Variants in PYROXD2 observed in about 807,000 individuals in gnomAD.
PYROXD2 encodes pyridine nucleotide-disulphide oxidoreductase domain 2.
In PYROXD2, 69 loss-of-function variants were observed where a neutral mutation model predicts 71.1. The ratio of observed to expected loss-of-function variants is 0.97; its 90% CI spans 0.80 to 1.19. PYROXD2 has a LOEUF of 1.19. Among genes scored for constraint, PYROXD2 ranks in the 50% most tolerant of loss-of-function variants. PYROXD2 has a pLI of 0.00. For synonymous variants in PYROXD2, 287 were observed against 302.7 expected (o/e 0.95, Z 0.54); for missense variants, 745 against 748.9 (o/e 0.99, Z 0.06).
At chr10:98,400,472 A>G (rs7894389) in intron 4 of PYROXD2, among the ~76,000 whole-genome samples, 2,138 of 152,206 alleles carry the variant, frequency 0.014, 54 homozygotes, top group African/African-American at 0.049. Flanking sequence ...GCAGTACACT[A>G]TACCATTCTA....
In PYROXD2 at chr10:98,403,137, G is replaced by C. The variant is rs553467378; in HGVS notation, c.316-2880C>G. On this transcript the variant is annotated intron_variant, in intron 4 of 15. Coordinates refer to ENST00000370575, the MANE Select transcript of PYROXD2 (RefSeq NM_032709.3). ...AGATTTCCGATGCTGGCGGGGGCCG[G>C]GGCCAGGAGACGGCTGGGGTCCCTC... Among the ~76,000 whole-genome samples, 31 of 152,362 alleles carry C rather than the reference G, an allele frequency of 2.0e-4. No homozygotes were observed. In the South Asian group the frequency reaches 6.0e-3, roughly 30 times the overall value.
At chr10:98,385,754 T>C (rs2135911231) in intron 14 of PYROXD2, among the ~76,000 whole-genome samples, 1 of 152,080 alleles carries the variant, frequency 6.6e-6, no homozygotes, top group South Asian at 2.1e-4. Flanking sequence ...ACCACCTTCC[T>C]CCCCCTGGCC....
At chr10:98,410,818 G>A in intron 2 of PYROXD2, 121 bp downstream of exon 2, 5 of 1,443,448 alleles carry the variant, frequency 3.5e-6, no homozygotes, top group Non-Finnish European at 4.7e-6. Flanking sequence ...GCATCGACTA[G>A]GCTGCCTTTT....
At chr10:98,393,582 C>T (rs1359057716) in intron 8 of PYROXD2, among the ~76,000 whole-genome samples, 8 of 152,164 alleles carry the variant, frequency 5.3e-5, no homozygotes, top group Admixed American at 5.2e-4. Flanking sequence ...CCAACTCAGC[C>T]TCCAAAGGGC....
At chr10:98,394,244 C>T (rs796438432) in intron 8 of PYROXD2, among the ~76,000 whole-genome samples, 2 of 152,132 alleles carry the variant, frequency 1.3e-5, no homozygotes, top group African/African-American at 2.4e-5. Flanking sequence ...AGATCACAAA[C>T]GGAGCACTGG....
chr10:98,402,981 G>A (rs1843468348), intron 4 of PYROXD2, among the ~76,000 whole-genome samples: 4 of 152,248 alleles, frequency 2.6e-5, no homozygotes, highest in Non-Finnish European at 4.4e-5. Context: ...AATGAGATCG[G>A]AGAGTAGACG....
At chr10:98,400,071 C>CAGG (rs1409284807) in intron 5 of PYROXD2, 31 bp downstream of exon 5, 1 of 1,606,118 alleles carries the variant, frequency 6.2e-7, no homozygotes, top group African/African-American at 1.3e-5. Flanking sequence ...GCTGAGGGAG[C>CAGG]AGGAGCTCAG....
At chr10:98,390,780 G>T in intron 11 of PYROXD2, 26 bp from the exon 12 acceptor site, 1 of 1,553,866 alleles carries the variant, frequency 6.4e-7, no homozygotes, top group South Asian at 1.2e-5. Context: ...GGAGGGTCAG[G>T]TCTTAGCCCC....
chr10:98,387,232 T>A lies in PYROXD2; in HGVS notation c.1523A>T (p.Asp508Val). Residue 508 changes from aspartate to valine, a missense_variant, in exon 14 of 16, where the codon GAT becomes GTT. Asp to Val is a radical substitution (Grantham distance 152). Transcript: ENST00000370575. Reference protein sequence around the residue: ...VVGRDILTPPDLERIFGLPGG... With the variant: ...VVGRDILTPPVLERIFGLPGG... ...AGGAAGCCCGAAGATTCTCTCCAAA[T>A]CTGGTGGTGTGAGGATGTCTCTGCC... The A allele has an allele frequency of 6.2e-7, 1 of 1,614,078 alleles. No homozygotes were observed. Among genetic ancestry groups the A allele is most frequent in the East Asian group, 2.2e-5 (1 of 44,872 alleles).
chr10:98,393,289 T>C (rs1290619064), intron 8 of PYROXD2, among the ~76,000 whole-genome samples: 1 of 152,144 alleles, frequency 6.6e-6, no homozygotes, highest in Non-Finnish European at 1.5e-5. Flanking sequence ...TCTATGTGCA[T>C]AGCTTATTAC....
At chr10:98,388,967 GC>G (rs1320640279) in intron 12 of PYROXD2, among the ~76,000 whole-genome samples, 8 of 152,106 alleles carry the variant, frequency 5.3e-5, no homozygotes, top group Non-Finnish European at 8.8e-5. Context: ...GCTGTGACCT[GC>G]TTCCCACCCC....
At chr10:98,410,914 T>TG (rs1244523597) in intron 2 of PYROXD2, 25 bp downstream of exon 2, 2 of 1,560,366 alleles carry the variant, frequency 1.3e-6, no homozygotes, top group Admixed American at 1.9e-5. Flanking sequence ...GCCAGTGAAG[T>TG]GGGATCAAGT....
In PYROXD2 at chr10:98,400,097, C is replaced by A. The variant is rs1384094115; in HGVS notation, c.471+5G>T. 1 of 1,612,046 alleles carries A rather than the reference C, an allele frequency of 6.2e-7. No individual in the cohort carries two copies. Among genetic ancestry groups the A allele is most frequent in the Admixed American group, 1.7e-5 (1 of 59,908 alleles). On this transcript the variant is annotated splice_donor_5th_base_variant and intron_variant, in intron 5 of 15. Transcript: ENST00000370575. Reference sequence around the variant, plus strand: ...AGGAGCTCAGTCACTGGTCGCCTTCCCTACCTGGGCATCCTTCTGGGAGAA... The same window carrying A: ...AGGAGCTCAGTCACTGGTCGCCTTCACTACCTGGGCATCCTTCTGGGAGAA...
chr10:98,390,492 G>C (rs568735902), intron 12 of PYROXD2, 106 bp downstream of exon 12: 1 of 1,301,824 alleles, frequency 7.7e-7, no homozygotes, highest in Non-Finnish European at 1.0e-6. Context: ...AAGTCACTGT[G>C]AAGGTTGAAC....
At chr10:98,414,395 T>C (rs1843903603) in intron 1 of PYROXD2, 1 of 131,650 alleles carries the variant, frequency 7.6e-6, no homozygotes, top group African/African-American at 3.3e-5. Flanking sequence ...AGCCCAGGGG[T>C]TGGCAAAGTG....
At position 98,383,812 on chromosome 10, in the gene PYROXD2, G is replaced by C; in HGVS notation, c.1732C>G (p.Leu578Val). Residue 578 changes from leucine (L) to valine (V), a missense_variant, in exon 16 of 16, where the codon CTC (leucine) becomes GTC (valine). By Grantham distance (32) the Leu-to-Val change is conservative. Transcript: ENST00000370575. ...RNAAHVAFRD[L>V]KSM ...CTGGTTCAGGGTCACATGCTCTTGAGGTCCCTAAAGGCCACATGTGCTGCA... is the reference window on the plus strand; with the variant it reads ...CTGGTTCAGGGTCACATGCTCTTGACGTCCCTAAAGGCCACATGTGCTGCA... 6.2e-7 allele frequency: 1 copy of C among 1,614,028 alleles called. No homozygotes were observed. Among genetic ancestry groups the C allele is most frequent in the Non-Finnish European group, 8.5e-7 (1 of 1,179,948 alleles).
intron 10 of PYROXD2, 127 bp from the exon 11 acceptor site, chr10:98,391,209 G>A: frequency 1.5e-6 from 1 of 688,394 alleles, no homozygotes; most frequent in Non-Finnish European, 2.6e-6. Flanking sequence ...TCAAAGCTCA[G>A]CCAAAACCAC....
At chr10:98,384,232 G>A (rs1842679427) in intron 15 of PYROXD2, among the ~76,000 whole-genome samples, 1 of 135,116 alleles carries the variant, frequency 7.4e-6, no homozygotes. Flanking sequence ...ACACAGCTGA[G>A]AGAAAGTGTG....
At chr10:98,405,651 C>T (rs755149000) in intron 4 of PYROXD2, among the ~76,000 whole-genome samples, 23 of 152,170 alleles carry the variant, frequency 1.5e-4, no homozygotes, top group Non-Finnish European at 2.5e-4. Flanking sequence ...CGCAGCCGGC[C>T]GGTTTCCAGC....
Sources: allele counts gnomAD v4.1 joint callset (sites outside exome capture counted in the v4.1 genomes callset), GRCh38; gene constraint gnomAD v4.1.1; transcripts MANE v1.5; gene names NCBI Gene and HGNC (gene_info 2026-07-23, HGNC 2026-07-21).